SDK1: variants seen among roughly 807,000 people sequenced by gnomAD.
The protein encoded by SDK1 is protein sidekick-1.
In SDK1, 157 loss-of-function variants were observed where a neutral mutation model predicts 245.5. The observed-to-expected ratio is 0.64, with a 90% CI of 0.56 to 0.73. The LOEUF (loss-of-function observed/expected upper bound fraction) is 0.73, where lower values mean the gene tolerates loss of function less well. Among genes scored for constraint, SDK1 ranks in the 30% least tolerant of loss-of-function variants. SDK1 has a pLI of 0.00. For missense variants in SDK1, 3,583 were observed against 3,002.3 expected (o/e 1.19, Z -4.52); for synonymous variants, 1,647 against 1,278.5 (o/e 1.29, Z -6.15).
intron 1 of SDK1, among the ~76,000 whole-genome samples, chr7:3,421,188 G>A (rs573517140): frequency 6.7e-6 from 1 of 149,192 alleles, no homozygotes; most frequent in East Asian, 2.0e-4. Context: ...TCTCCTGCCT[G>A]AGCCTCCTGA....
chr7:3,381,199 T>A (rs559868777), intron 1 of SDK1, among the ~76,000 whole-genome samples: 1 of 152,120 alleles, frequency 6.6e-6, no homozygotes, highest in African/African-American at 2.4e-5. Flanking sequence ...ATAGGTATTC[T>A]CAAAGGGAAC....
Position 4,207,122 on chromosome 7 carries a change from A to G in SDK1, c.5215-977A>G, listed in dbSNP as rs190326358. ...TGAGCAGAAGCCCACTACATCCTGC[A>G]GGTGGAAATGAACGATGCTCACCAG... On this transcript the variant is annotated intron_variant, in intron 36 of 44. Transcript: ENST00000404826. 7.0e-3 allele frequency among the ~76,000 whole-genome samples: 1,064 copies of G among 152,378 alleles called. 7 individuals are homozygous for G. Among genetic ancestry groups the G allele is most frequent in the Non-Finnish European group, 0.011 (769 of 68,038 alleles).
At chr7:3,594,602 T>C (rs1029913282) in intron 1 of SDK1, among the ~76,000 whole-genome samples, 17 of 152,326 alleles carry the variant, frequency 1.1e-4, no homozygotes, top group African/African-American at 3.4e-4. Flanking sequence ...CCAACACTTG[T>C]AATTGTTTGT....
intron 1 of SDK1, among the ~76,000 whole-genome samples, chr7:3,506,901 C>T (rs1782412360): frequency 6.6e-6 from 1 of 151,852 alleles, no homozygotes; most frequent in South Asian, 2.1e-4. Context: ...TCCATCATCT[C>T]TATCATTGCT....
chr7:4,177,485 G>C (rs75651182), intron 34 of SDK1, among the ~76,000 whole-genome samples: 1 of 152,194 alleles, frequency 6.6e-6, no homozygotes, highest in South Asian at 2.1e-4. Context: ...CCAGGACACG[G>C]CCGCTAAGGT....
chr7:3,778,608 C>T lies in SDK1; in HGVS notation c.714-42842C>T, dbSNP rs541326218. Among the ~76,000 whole-genome samples, 5 of 152,272 alleles carry T rather than the reference C, an allele frequency of 3.3e-5. No individual in the cohort carries two copies. In the East Asian group the frequency reaches 5.8e-4, roughly 18 times the overall value. ...GTGTATGTTTTGTATTTCATTGTAGCGAAAGCACTTCACGTATGCTTATAG... is the reference window on the plus strand; with the variant it reads ...GTGTATGTTTTGTATTTCATTGTAGTGAAAGCACTTCACGTATGCTTATAG... On this transcript the variant is annotated intron_variant, in intron 4 of 44. Transcript: ENST00000404826.
intron 7 of SDK1, among the ~76,000 whole-genome samples, chr7:3,955,618 TGAGAG>T (rs1781200941): frequency 1.3e-5 from 2 of 152,298 alleles, no homozygotes; most frequent in South Asian, 2.1e-4. Flanking sequence ...TGCTGCTCCC[TGAGAG>T]GGGCGACCTG....
intron 1 of SDK1, among the ~76,000 whole-genome samples, chr7:3,603,784 G>A (rs758547699): frequency 2.6e-4 from 40 of 152,248 alleles, no homozygotes; most frequent in Non-Finnish European, 4.4e-4. Context: ...AATGCTTCTA[G>A]TTTTTGCGCA....
intron 4 of SDK1, among the ~76,000 whole-genome samples, chr7:3,680,410 A>G (rs1784063004): frequency 6.6e-6 from 1 of 152,198 alleles, no homozygotes; most frequent in Admixed American, 6.5e-5. Flanking sequence ...TGATGGTTGT[A>G]TAAATGCGCA....
chr7:3,391,723 G>T (rs117199379), intron 1 of SDK1, among the ~76,000 whole-genome samples: 1 of 146,154 alleles, frequency 6.8e-6, no homozygotes, highest in Non-Finnish European at 1.5e-5. Context: ...TGCAACCTCC[G>T]CTTGCCAGGT....
In SDK1 at chr7:3,819,592, T is replaced by C. The variant is rs1004604918; in HGVS notation, c.714-1858T>C. Among the ~76,000 whole-genome samples, 4 of 152,074 alleles carry C rather than the reference T, an allele frequency of 2.6e-5. No homozygotes were observed. The East Asian group carries it at 7.7e-4, about 29-fold the overall frequency. Reference sequence around the variant, plus strand: ...CAGTGTAACATATACTAAAATAAAATGGAACAATTTCTATGGTTCTATAAA... The same window carrying C: ...CAGTGTAACATATACTAAAATAAAACGGAACAATTTCTATGGTTCTATAAA... On this transcript the variant is annotated intron_variant, in intron 4 of 44. Transcript: ENST00000404826.
At chr7:3,944,952 G>C (rs1332232301) in intron 5 of SDK1, among the ~76,000 whole-genome samples, 1 of 152,134 alleles carries the variant, frequency 6.6e-6, no homozygotes, top group Non-Finnish European at 1.5e-5. Context: ...AGCATGGAGG[G>C]GGAGCCATTG....
chr7:4,236,044 C>A (rs12386764), intron 41 of SDK1, among the ~76,000 whole-genome samples: 29,399 of 152,244 alleles, frequency 0.19, 3,135 homozygotes, highest in Non-Finnish European at 0.24. Context: ...TTTAAAGCAC[C>A]GTCACCTCCT....
chr7:3,323,371 T>C (rs1308627247), intron 1 of SDK1, among the ~76,000 whole-genome samples: 1 of 152,232 alleles, frequency 6.6e-6, no homozygotes, highest in African/African-American at 2.4e-5. Flanking sequence ...CTGGTGCCGA[T>C]TGAATTTCCA....
chr7:3,961,216 T>G (rs1781655202), intron 8 of SDK1, among the ~76,000 whole-genome samples: 1 of 152,244 alleles, frequency 6.6e-6, no homozygotes. Context: ...TTATTCCTTA[T>G]GAAAGTGACA....
At chr7:3,547,378 C>T (rs1288833384) in intron 1 of SDK1, among the ~76,000 whole-genome samples, 2 of 152,092 alleles carry the variant, frequency 1.3e-5, no homozygotes, top group Non-Finnish European at 2.9e-5. Flanking sequence ...TAAAACTTAC[C>T]TTGGGCAAAG....
At chr7:3,851,480 C>T (rs920820521) in intron 5 of SDK1, among the ~76,000 whole-genome samples, 1 of 152,078 alleles carries the variant, frequency 6.6e-6, no homozygotes, top group African/African-American at 2.4e-5. Flanking sequence ...TGTTTATGTT[C>T]TTGCTTTGTC....
Position 3,757,275 on chromosome 7 carries a change from T to G in SDK1, c.714-64175T>G, listed in dbSNP as rs116783008. Among the ~76,000 whole-genome samples, 463 of 152,292 alleles carry G rather than the reference T, an allele frequency of 3.0e-3. 3 individuals are homozygous for G. Among genetic ancestry groups the G allele is most frequent in the African/African-American group, 0.011 (447 of 41,572 alleles). ...CTCACAGAACTACTCAGGAAGTCACTTTACTTACTTCCTTTTTTTGAGACA... is the reference window on the plus strand; with the variant it reads ...CTCACAGAACTACTCAGGAAGTCACGTTACTTACTTCCTTTTTTTGAGACA... On this transcript the variant is annotated intron_variant, in intron 4 of 44. Transcript: ENST00000404826.
intron 1 of SDK1, among the ~76,000 whole-genome samples, chr7:3,432,778 C>A (rs558401821): frequency 6.6e-6 from 1 of 152,106 alleles, no homozygotes; most frequent in African/African-American, 2.4e-5. Context: ...AGTCAGTTTC[C>A]CTCCACAAAT....
Sources: allele counts gnomAD v4.1 joint callset (sites outside exome capture counted in the v4.1 genomes callset), GRCh38; gene constraint gnomAD v4.1.1; transcripts MANE v1.5; gene names NCBI Gene and HGNC (gene_info 2026-07-23, HGNC 2026-07-21).